Variants in KLF8 observed in about 807,000 individuals in gnomAD.
KLF8 encodes the protein KLF transcription factor 8, also known as Krueppel-like factor 8.
A neutral mutation model predicts 18.2 loss-of-function variants in KLF8; 10 were observed. That is an observed-to-expected ratio of 0.55 (90% confidence interval 0.34 to 0.93). The LOEUF (loss-of-function observed/expected upper bound fraction) is 0.93. Among genes scored for constraint, KLF8 ranks in the 40% least tolerant of loss-of-function variants. KLF8 has a pLI of 0.02. For missense variants in KLF8, 264 were observed against 277.9 expected (o/e 0.95, Z 0.36); for synonymous variants, 109 against 97.3 (o/e 1.12, Z -0.71).
chrX:56,189,721 G>A, the KLF8 span, among the ~76,000 whole-genome samples: 1 of 109,029 alleles, frequency 9.2e-6, no homozygotes, highest in East Asian at 2.9e-4. Flanking sequence ...TCCTTTGTAG[G>A]GACATGGATG....
chrX:56,165,524 C>A, the KLF8 span, among the ~76,000 whole-genome samples: 1 of 111,749 alleles, frequency 8.9e-6, no homozygotes, highest in East Asian at 2.8e-4. Flanking sequence ...AATTTTGGTT[C>A]ACTCAGTTGT....
chrX:55,964,553 G>T, the KLF8 span, among the ~76,000 whole-genome samples: 2 of 111,336 alleles, frequency 1.8e-5, no homozygotes, highest in African/African-American at 6.5e-5. Context: ...CTCCAGCCTG[G>T]GTGACAGAGT....
the KLF8 span, among the ~76,000 whole-genome samples, chrX:56,029,169 C>A: frequency 9.0e-6 from 1 of 110,717 alleles, no homozygotes; most frequent in Admixed American, 9.6e-5. Flanking sequence ...ATACTCGGGG[C>A]CATTGCTTAG....
chrX:56,097,083 G>A, the KLF8 span, among the ~76,000 whole-genome samples: 13 of 111,526 alleles, frequency 1.2e-4, no homozygotes, highest in Non-Finnish European at 3.8e-5. Flanking sequence ...GTTCAACCAT[G>A]TACAAAAGTA....
chrX:56,189,770 A>G, the KLF8 span, among the ~76,000 whole-genome samples: 1 of 105,432 alleles, frequency 9.5e-6, no homozygotes, highest in Non-Finnish European at 1.9e-5. Context: ...TATCACGAGG[A>G]CAAAAATCCA....
At chrX:56,268,087 A>G (rs2066994497) in intron 3 of KLF8, 1 of 111,329 alleles carries the variant, frequency 9.0e-6, no homozygotes, top group African/African-American at 3.3e-5. Context: ...TTCACTTAAC[A>G]TAATGTCCTC....
the KLF8 span, among the ~76,000 whole-genome samples, chrX:56,138,326 A>T: frequency 9.0e-6 from 1 of 111,554 alleles, no homozygotes; most frequent in African/African-American, 3.3e-5. Flanking sequence ...TGAGGCCAGC[A>T]TCATTCTGAT....
the KLF8 span, among the ~76,000 whole-genome samples, chrX:56,138,808 G>T: frequency 9.0e-6 from 1 of 111,144 alleles, no homozygotes; most frequent in Non-Finnish European, 1.9e-5. Flanking sequence ...TATGGGAAGT[G>T]CTAACCAGAG....
the KLF8 span, among the ~76,000 whole-genome samples, chrX:55,971,745 A>C: frequency 9.4e-4 from 105 of 111,470 alleles, no homozygotes; most frequent in East Asian, 0.025. Context: ...AAACATGGGA[A>C]AAAGATTTGA....
chrX:56,269,551 A>C, intron 4 of KLF8, 62 bp downstream of exon 4: 1 of 1,073,083 alleles, frequency 9.3e-7, no homozygotes, highest in Admixed American at 3.5e-5. Context: ...GTGTGTGTAC[A>C]TTTGCACATA....
the KLF8 span, among the ~76,000 whole-genome samples, chrX:56,155,564 C>T: frequency 9.0e-6 from 1 of 110,627 alleles, no homozygotes; most frequent in Non-Finnish European, 1.9e-5. Flanking sequence ...TGTAACAAAC[C>T]TTCACTTTAT....
the KLF8 span, among the ~76,000 whole-genome samples, chrX:55,996,641 G>A: frequency 5.4e-5 from 6 of 111,792 alleles, no homozygotes; most frequent in South Asian, 1.1e-3. Flanking sequence ...AAGGATTAGC[G>A]CAGCATTCTT....
chrX:56,018,100 C>T, the KLF8 span, among the ~76,000 whole-genome samples: 3 of 111,410 alleles, frequency 2.7e-5, no homozygotes, highest in South Asian at 1.1e-3. Flanking sequence ...ACTATAGTGG[C>T]CCTATTGTGT....
the KLF8 span, among the ~76,000 whole-genome samples, chrX:56,175,137 A>G: frequency 9.0e-6 from 1 of 110,717 alleles, no homozygotes; most frequent in Non-Finnish European, 1.9e-5. Context: ...GCCTTCTGCT[A>G]GCTTTTGAAT....
At chrX:55,975,029 A>G in the KLF8 span, among the ~76,000 whole-genome samples, 1 of 112,103 alleles carries the variant, frequency 8.9e-6, no homozygotes, top group Non-Finnish European at 1.9e-5. Context: ...ATGGGATTAC[A>G]TTCTGATAAA....
At chrX:56,056,508 A>G in the KLF8 span, among the ~76,000 whole-genome samples, 26 of 107,038 alleles carry the variant, frequency 2.4e-4, no homozygotes, top group Admixed American at 2.4e-3. Context: ...AGGGACATGG[A>G]TGAAACTGGA....
chrX:56,050,287 A>G, the KLF8 span, among the ~76,000 whole-genome samples: 27 of 110,635 alleles, frequency 2.4e-4, no homozygotes, highest in African/African-American at 8.9e-4. Flanking sequence ...CTGTGATTTT[A>G]GTTATTTCTT....
At chrX:56,024,707 A>G in the KLF8 span, among the ~76,000 whole-genome samples, 1 of 111,565 alleles carries the variant, frequency 9.0e-6, no homozygotes, top group Non-Finnish European at 1.9e-5. Context: ...ACAGAACAGA[A>G]GGAGAAGTTT....
the KLF8 span, among the ~76,000 whole-genome samples, chrX:56,167,770 TA>T: frequency 8.9e-6 from 1 of 112,548 alleles, no homozygotes; most frequent in Admixed American, 9.5e-5. Context: ...ATTCTCACAG[TA>T]AAATATCCCA....
Sources: allele counts gnomAD v4.1 joint callset (sites outside exome capture counted in the v4.1 genomes callset), GRCh38; gene constraint gnomAD v4.1.1; transcripts MANE v1.5; gene names NCBI Gene and HGNC (gene_info 2026-07-23, HGNC 2026-07-21).